PTN: variants seen among roughly 807,000 people sequenced by gnomAD.
The protein encoded by PTN is heparin affin regulatory protein.
In PTN, 18 loss-of-function variants were observed where a neutral mutation model predicts 24.1. The ratio of observed to expected loss-of-function variants is 0.75; its 90% CI spans 0.52 to 1.11. The LOEUF (loss-of-function observed/expected upper bound fraction) is 1.11. PTN is among the 50% of genes least tolerant of loss of function. The pLI is 0.00. For synonymous variants in PTN, 78 were observed against 68.6 expected (o/e 1.14, Z -0.67); for missense variants, 163 against 198.8 (o/e 0.82, Z 1.08).
chr7:137,248,519 C>G (rs1585011191), intron 4 of PTN, among the ~76,000 whole-genome samples: 2 of 152,260 alleles, frequency 1.3e-5, no homozygotes, highest in South Asian at 2.1e-4. Flanking sequence ...AATGCTGTCT[C>G]TACTAAAAAG....
At chr7:137,319,273 G>A (rs1360458045) in intron 1 of PTN, among the ~76,000 whole-genome samples, 2 of 152,178 alleles carry the variant, frequency 1.3e-5, no homozygotes, top group African/African-American at 4.8e-5. Context: ...GAATTCTTGT[G>A]AGAATTAATT....
chr7:137,232,072 G>A (rs957295110), intron 4 of PTN, among the ~76,000 whole-genome samples: 16 of 151,910 alleles, frequency 1.1e-4, no homozygotes, highest in African/African-American at 3.6e-4. Context: ...GAACAGTAGG[G>A]CACTTTAGTT....
At chr7:137,253,699 C>A in intron 2 of PTN, 62 bp from the exon 3 acceptor site, 1 of 1,337,638 alleles carries the variant, frequency 7.5e-7, no homozygotes, top group Non-Finnish European at 9.8e-7. Context: ...CAGATATAAC[C>A]AAGTTCATTC....
At chr7:137,322,855 G>T (rs374453543) in intron 1 of PTN, among the ~76,000 whole-genome samples, 1 of 152,138 alleles carries the variant, frequency 6.6e-6, no homozygotes, top group African/African-American at 2.4e-5. Flanking sequence ...ATCCATTAAA[G>T]TGAGTTACTG....
intron 1 of PTN, among the ~76,000 whole-genome samples, chr7:137,330,812 T>C (rs1810344807): frequency 6.6e-6 from 1 of 152,156 alleles, no homozygotes; most frequent in Admixed American, 6.6e-5. Flanking sequence ...ATGGGACTTT[T>C]ATGGCAAGAG....
chr7:137,308,676 TG>T (rs1381635111), intron 1 of PTN, among the ~76,000 whole-genome samples: 2 of 152,146 alleles, frequency 1.3e-5, no homozygotes, highest in Non-Finnish European at 2.9e-5. Flanking sequence ...GGCAGGCAGA[TG>T]ATGACCAAGG....
At chr7:137,274,600 T>C (rs1809333102) in intron 1 of PTN, among the ~76,000 whole-genome samples, 2 of 152,058 alleles carry the variant, frequency 1.3e-5, no homozygotes, top group Admixed American at 6.6e-5. Context: ...TTTTAAAAGA[T>C]AGAATAGGAA....
intron 1 of PTN, among the ~76,000 whole-genome samples, chr7:137,330,087 G>C (rs1377308566): frequency 6.6e-6 from 1 of 152,160 alleles, no homozygotes. Flanking sequence ...AGGAGTTCAA[G>C]ATCAGCCTGG....
intron 1 of PTN, among the ~76,000 whole-genome samples, chr7:137,309,324 C>G (rs1225532776): frequency 6.6e-6 from 1 of 152,132 alleles, no homozygotes; most frequent in East Asian, 1.9e-4. Context: ...AGCATCTGAG[C>G]CTTCAATGAG....
At chr7:137,264,414 C>A (rs1432654286) in intron 1 of PTN, among the ~76,000 whole-genome samples, 1 of 152,162 alleles carries the variant, frequency 6.6e-6, no homozygotes, top group Non-Finnish European at 1.5e-5. Flanking sequence ...GAAAATGAGT[C>A]CCGCGATGAG....
At chr7:137,341,526 C>T (rs1810534124) in intron 1 of PTN, among the ~76,000 whole-genome samples, 1 of 152,022 alleles carries the variant, frequency 6.6e-6, no homozygotes, top group African/African-American at 2.4e-5. Context: ...TACCTTATTA[C>T]TCTAATTATC....
intron 1 of PTN, among the ~76,000 whole-genome samples, chr7:137,317,147 GGC>G (rs1250895564): frequency 3.3e-5 from 5 of 152,288 alleles, no homozygotes; most frequent in African/African-American, 1.2e-4. Flanking sequence ...CCATATGTCA[GGC>G]TTGATGAAAA....
At chr7:137,298,260 T>C (rs1343286374) in intron 1 of PTN, among the ~76,000 whole-genome samples, 1 of 152,024 alleles carries the variant, frequency 6.6e-6, no homozygotes, top group Non-Finnish European at 1.5e-5. Context: ...TATTCATTAG[T>C]TCGGTAAATA....
At chr7:137,229,651 T>C (rs1469385379) in intron 4 of PTN, among the ~76,000 whole-genome samples, 1 of 151,782 alleles carries the variant, frequency 6.6e-6, no homozygotes, top group African/African-American at 2.4e-5. Flanking sequence ...GGCTAAATTG[T>C]TGTCCATAAT....
intron 1 of PTN, among the ~76,000 whole-genome samples, chr7:137,298,647 T>G (rs1438201463): frequency 6.6e-6 from 1 of 151,948 alleles, no homozygotes; most frequent in Non-Finnish European, 1.5e-5. Flanking sequence ...TTGCCTATAA[T>G]TATTGTAAAG....
chr7:137,265,344 A>G (rs542037170), intron 1 of PTN, among the ~76,000 whole-genome samples: 37 of 152,284 alleles, frequency 2.4e-4, no homozygotes, highest in African/African-American at 7.9e-4. Context: ...GGACTAAAGT[A>G]TAAGTGCCAC....
At chr7:137,238,255 A>G (rs1808559119) in intron 4 of PTN, among the ~76,000 whole-genome samples, 1 of 152,180 alleles carries the variant, frequency 6.6e-6, no homozygotes, top group Admixed American at 6.6e-5. Context: ...GTGAAGCACC[A>G]GAATTGCTAG....
At chr7:137,245,520 G>T (rs1422189681) in intron 4 of PTN, among the ~76,000 whole-genome samples, 1 of 152,100 alleles carries the variant, frequency 6.6e-6, no homozygotes, top group African/African-American at 2.4e-5. Flanking sequence ...TAATACTTGA[G>T]AGTGATAATA....
At chr7:137,288,336 G>A (rs10235309) in intron 1 of PTN, among the ~76,000 whole-genome samples, 1,980 of 152,244 alleles carry the variant, frequency 0.013, 38 homozygotes, top group African/African-American at 0.045. Flanking sequence ...CCAAACATTT[G>A]CTAAAATAAT....
Sources: gnomAD v4.1 joint callset for allele counts (sites outside exome capture counted in the v4.1 genomes callset) on GRCh38, gnomAD v4.1.1 for gene constraint, MANE v1.5 for transcripts, NCBI Gene and HGNC (gene_info 2026-07-23, HGNC 2026-07-21) for gene names.